Variants in CACNA1C observed in about 807,000 individuals in gnomAD.
CACNA1C encodes the protein voltage-dependent L-type calcium channel subunit alpha-1C.
In CACNA1C, 30 loss-of-function variants were observed where a neutral mutation model predicts 229.0. That is an observed-to-expected ratio of 0.13 (90% CI 0.10 to 0.18). The LOEUF (loss-of-function observed/expected upper bound fraction) is 0.18, where lower values mean the gene tolerates loss of function less well. Ranked by LOEUF, CACNA1C falls within the 10% of genes least tolerant of loss-of-function variation. The probability of loss-of-function intolerance (pLI) is 1.00; values close to 1 mark genes in which losing one functional copy is unlikely to be tolerated. For missense variants in CACNA1C, 1,658 were observed against 2,845.0 expected (o/e 0.58, Z 9.49); for synonymous variants, 1,114 against 1,132.5 (o/e 0.98, Z 0.33).
intron 3 of CACNA1C, among the ~76,000 whole-genome samples, chr12:2,414,632 G>A (rs1482941158): frequency 1.3e-5 from 2 of 152,178 alleles, no homozygotes; most frequent in South Asian, 2.1e-4. Context: ...TCTGTGTTCC[G>A]GGTGTCAGCT....
At chr12:2,267,937 G>T (rs1601487987) in intron 3 of CACNA1C, among the ~76,000 whole-genome samples, 1 of 152,318 alleles carries the variant, frequency 6.6e-6, no homozygotes, top group South Asian at 2.1e-4. Context: ...CACTGTTCAG[G>T]ATCGATTGCA....
intron 1 of CACNA1C, among the ~76,000 whole-genome samples, chr12:2,070,856 T>G (rs1202495973): frequency 6.6e-6 from 1 of 151,812 alleles, no homozygotes; most frequent in Non-Finnish European, 1.5e-5. Context: ...TCTCTCTTCC[T>G]TTTTCTTTCT....
chr12:2,296,119 A>G (rs893066750), intron 3 of CACNA1C, among the ~76,000 whole-genome samples: 6 of 152,244 alleles, frequency 3.9e-5, no homozygotes, highest in Admixed American at 6.5e-5. Flanking sequence ...AGATGGAGAA[A>G]TGCAAAGGGA....
intron 5 of CACNA1C, among the ~76,000 whole-genome samples, chr12:2,462,845 G>T (rs555176466): frequency 2.8e-4 from 42 of 151,848 alleles, no homozygotes; most frequent in African/African-American, 1.0e-3. Flanking sequence ...CAACAAATAG[G>T]TTCATTGGGC....
intron 1 of CACNA1C, among the ~76,000 whole-genome samples, chr12:2,063,435 C>A (rs987651898): frequency 1.3e-5 from 2 of 152,194 alleles, no homozygotes; most frequent in African/African-American, 4.8e-5. Flanking sequence ...AGGCGTGAAC[C>A]ACTGTGCCCA....
intron 10 of CACNA1C, among the ~76,000 whole-genome samples, chr12:2,551,834 C>G (rs911504966): frequency 1.3e-5 from 2 of 151,976 alleles, no homozygotes; most frequent in Non-Finnish European, 2.9e-5. Flanking sequence ...GGAGCCGTCA[C>G]AGTCAGGGAA....
intron 1 of CACNA1C, among the ~76,000 whole-genome samples, chr12:2,019,577 AAGAGAG>A (rs1166962435): frequency 1.8e-4 from 21 of 117,426 alleles, no homozygotes. Context: ...AAAGAAAAGA[AAGAGAG>A]AGAGAAAGAA....
chr12:2,477,224 T>C (rs1298708878), intron 5 of CACNA1C, among the ~76,000 whole-genome samples: 2 of 152,184 alleles, frequency 1.3e-5, no homozygotes, highest in Non-Finnish European at 2.9e-5. Context: ...AACCTGATGA[T>C]GACAGTGGTG....
intron 3 of CACNA1C, among the ~76,000 whole-genome samples, chr12:2,199,961 T>C (rs977614098): frequency 6.6e-6 from 1 of 152,168 alleles, no homozygotes; most frequent in Non-Finnish European, 1.5e-5. Flanking sequence ...AGCCCATGGT[T>C]CTGTCTTATT....
Position 2,601,717 on chromosome 12 carries a change from T to C in CACNA1C, c.2854-137T>C. The C allele has an allele frequency of 1.4e-6, 1 of 693,800 alleles. No individual in the cohort carries two copies. The allele number at this position is 693,800 out of a possible 1,614,324, so 43.0% of individuals were successfully genotyped here. On this transcript the variant is annotated intron_variant, in intron 21 of 46. Transcript: ENST00000399655. This position sits in a 1 kb window ranked among gnomAD's most constrained non-coding sequence, Gnocchi z 5.9. The stretch of plus-strand genomic sequence containing the variant: ...CTCTTTTCTTGGCACCATAGCGCCG[T>C]CTTTGTCCTTCCTGTTCCCCATGGA...
rs894908257 is a variant in CACNA1C, at chr12:2,029,058, T to A, written c.139+57857T>A. On this transcript the variant is annotated intron_variant, in intron 1 of 46. Transcript: ENST00000682462. This position sits in a 1 kb window ranked among gnomAD's most constrained non-coding sequence, Gnocchi z 4.9. ...GAGGAGTAATAGGATCATAGACCAT[T>A]TGGACTGGAGGCATGTCTTATGTTA... 1.3e-5 allele frequency among the ~76,000 whole-genome samples: 2 copies of A among 152,114 alleles called. No individual in the cohort carries two copies. Among genetic ancestry groups the A allele is most frequent in the African/African-American group, 4.8e-5 (2 of 41,418 alleles).
At chr12:2,554,270 G>A (rs766826591) in intron 10 of CACNA1C, among the ~76,000 whole-genome samples, 1 of 152,198 alleles carries the variant, frequency 6.6e-6, no homozygotes, top group Non-Finnish European at 1.5e-5. Context: ...GGTTTGTCTT[G>A]GAGTCCTGGG....
intron 3 of CACNA1C, among the ~76,000 whole-genome samples, chr12:2,375,007 C>T (rs2098002031): frequency 6.6e-6 from 1 of 152,154 alleles, no homozygotes; most frequent in Admixed American, 6.5e-5. Flanking sequence ...CAGTCTACGT[C>T]TTCATCTTTA....
At chr12:2,150,037 T>A (rs2095097113) in intron 3 of CACNA1C, among the ~76,000 whole-genome samples, 1 of 152,142 alleles carries the variant, frequency 6.6e-6, no homozygotes, top group African/African-American at 2.4e-5. Flanking sequence ...GGACCCAGCA[T>A]GGAGACTGGG....
At chr12:2,199,946 T>G (rs556149493) in intron 3 of CACNA1C, among the ~76,000 whole-genome samples, 1 of 152,278 alleles carries the variant, frequency 6.6e-6, no homozygotes, top group East Asian at 1.9e-4. Context: ...CAGGAATCAC[T>G]CAGGAGCCCA....
Position 2,538,403 on chromosome 12 carries a change from TCCAC to T in CACNA1C, c.1391-11536_1391-11533del, listed in dbSNP as rs1230989869. ...TGATGGCACCTTTCTCTGTGACCTTTCCACCCAGGCAGGCTGCTGTGGCCTGGGA... is the reference window on the plus strand; with the variant it reads ...TGATGGCACCTTTCTCTGTGACCTTTCCAGGCAGGCTGCTGTGGCCTGGGA... On this transcript the variant is annotated intron_variant, in intron 9 of 46. Transcript: ENST00000399655. Among the ~76,000 whole-genome samples, 17 of 152,214 alleles carry T rather than the reference TCCAC, an allele frequency of 1.1e-4. 1 individual carries two copies. The highest frequency in any genetic ancestry group is 2.5e-4 in the Non-Finnish European group (17 of 68,038).
chr12:2,098,463 A>G (rs1217669007), intron 1 of CACNA1C, among the ~76,000 whole-genome samples: 1 of 152,176 alleles, frequency 6.6e-6, no homozygotes, highest in African/African-American at 2.4e-5. Context: ...ACATTTGTGT[A>G]TGTAATGTTT....
intron 3 of CACNA1C, among the ~76,000 whole-genome samples, chr12:2,318,200 C>T (rs1412977611): frequency 6.6e-6 from 1 of 152,240 alleles, no homozygotes; most frequent in Non-Finnish European, 1.5e-5. Flanking sequence ...AAAGAATGAT[C>T]TTTGCGCCCC....
At chr12:2,453,073 T>C (rs1050597754) in intron 4 of CACNA1C, among the ~76,000 whole-genome samples, 2 of 152,116 alleles carry the variant, frequency 1.3e-5, no homozygotes, top group African/African-American at 4.8e-5. Context: ...GTTCTCAAAC[T>C]TCGTTCGGCT....
Sources: gnomAD v4.1 joint callset for allele counts (sites outside exome capture counted in the v4.1 genomes callset) on GRCh38, gnomAD v4.1.1 for gene constraint, Gnocchi (gnomAD v3.1) non-coding constraint, MANE v1.5 for transcripts, NCBI Gene and HGNC (gene_info 2026-07-23, HGNC 2026-07-21) for gene names.